BTD: variants seen among roughly 807,000 people sequenced by gnomAD.
BTD encodes biocytinase.
A neutral mutation model predicts 17.7 loss-of-function variants in BTD; 13 were observed. The ratio of observed to expected loss-of-function variants is 0.74; its 90% CI spans 0.48 to 1.17. The LOEUF (loss-of-function observed/expected upper bound fraction) is 1.17. Ranked by LOEUF, BTD falls within the 50% of genes most tolerant of loss-of-function variation. The pLI is 0.00. For synonymous variants in BTD, 240 were observed against 245.2 expected, an observed-to-expected ratio of 0.98 and a Z score of 0.20; for missense variants, 674 against 650.4, an observed-to-expected ratio of 1.04 and a Z score of -0.39.
At chr3:15,632,810 G>C (rs2065246560) in intron 1 of BTD, 1 of 152,464 alleles carries the variant, frequency 6.6e-6, no homozygotes, top group South Asian at 2.1e-4. Flanking sequence ...TCCCGCTGCT[G>C]CCTGCTGAAC....
At chr3:15,627,849 G>GCC (rs1013044928) in intron 1 of BTD, among the ~76,000 whole-genome samples, 1 of 152,144 alleles carries the variant, frequency 6.6e-6, no homozygotes, top group African/African-American at 2.4e-5. Context: ...AGCCTCCCAA[G>GCC]TAGCTGGGAT....
intron 3 of BTD, among the ~76,000 whole-genome samples, chr3:15,678,745 G>A (rs2067218579): frequency 6.6e-6 from 1 of 151,708 alleles, no homozygotes; most frequent in Admixed American, 6.6e-5. Flanking sequence ...AATAATCTTT[G>A]GGAAACAAAT....
chr3:15,699,286 A>G (rs1422506591), intron 3 of BTD, among the ~76,000 whole-genome samples: 1 of 152,112 alleles, frequency 6.6e-6, no homozygotes, highest in South Asian at 2.1e-4. Flanking sequence ...ACCATAAAAA[A>G]CCCTATTAGA....
At chr3:15,665,647 C>G (rs1422922500) in intron 3 of BTD, among the ~76,000 whole-genome samples, 1 of 152,142 alleles carries the variant, frequency 6.6e-6, no homozygotes, top group Non-Finnish European at 1.5e-5. Flanking sequence ...GAAATGGAAC[C>G]CAAACTATAC....
At chr3:15,715,689 C>T (rs2072924885), downstream of BTD, among the ~76,000 whole-genome samples, 1 of 152,140 alleles carries the variant, frequency 6.6e-6, no homozygotes, top group African/African-American at 2.4e-5. Context: ...GGACAAGTTG[C>T]CTAACTTCTT....
intron 3 of BTD, among the ~76,000 whole-genome samples, chr3:15,678,907 A>G (rs2067234758): frequency 1.3e-5 from 2 of 152,246 alleles, no homozygotes; most frequent in South Asian, 4.1e-4. Flanking sequence ...ACTTTTAATA[A>G]TGGGTTTTCT....
chr3:15,701,339 A>T (rs2070574213), intron 3 of BTD, among the ~76,000 whole-genome samples: 1 of 152,154 alleles, frequency 6.6e-6, no homozygotes, highest in South Asian at 2.1e-4. Flanking sequence ...TTTGGAGTCA[A>T]GCATAATAAA....
At chr3:15,624,739 T>C (rs1240752056) in intron 1 of BTD, among the ~76,000 whole-genome samples, 1 of 152,196 alleles carries the variant, frequency 6.6e-6, no homozygotes, top group Non-Finnish European at 1.5e-5. Context: ...GGGAGGTTTT[T>C]TGAGACAAAG....
downstream of BTD, among the ~76,000 whole-genome samples, chr3:15,657,499 C>T (rs1242637531): frequency 1.9e-5 from 2 of 107,956 alleles, no homozygotes; most frequent in African/African-American, 5.6e-5. Flanking sequence ...CCCCCCAGAG[C>T]TGTATGTGAG....
chr3:15,697,600 C>A (rs1331832218), intron 3 of BTD, among the ~76,000 whole-genome samples: 1 of 151,814 alleles, frequency 6.6e-6, no homozygotes, highest in Non-Finnish European at 1.5e-5. Context: ...AGGGATGAAG[C>A]CGAGTTGATT....
rs1376626622 is a variant in BTD at position 15,601,913 on chromosome 3, G to C, written c.-17+19G>C. 6.2e-7 allele frequency: 1 copy of C among 1,613,150 alleles called. No individual in the cohort carries two copies. On this transcript the variant is annotated intron_variant, in intron 1 of 3. Transcript: ENST00000643237. ...AGAGCAGGTACGGAGGGGGCGTGGT[G>C]CGGCGCGGAGGGGGTGTGGTAAGGG...
At chr3:15,717,386 T>C (rs2126128562), downstream of BTD, among the ~76,000 whole-genome samples, 1 of 152,234 alleles carries the variant, frequency 6.6e-6, no homozygotes, top group Non-Finnish European at 1.5e-5. Flanking sequence ...GAGATTCAGA[T>C]TACTAACTAA....
Position 15,650,299 on chromosome 3 carries a change from A to G in BTD, c.*4811A>G, listed in dbSNP as rs1319241541. ...TGTTCAGTACTGAAGTAAAACAAAA[A>G]TCTGAATAACAGCTGCACCGTTAAA... On this transcript the variant is annotated 3_prime_UTR_variant, in exon 4 of 4. Coordinates refer to ENST00000643237, the MANE Select transcript of BTD (RefSeq NM_001370658.1). Among the ~76,000 whole-genome samples, 1 of 152,272 alleles carries G rather than the reference A, an allele frequency of 6.6e-6. No homozygotes were observed. The highest frequency in any genetic ancestry group is 1.5e-5 in the Non-Finnish European group (1 of 68,050).
chr3:15,645,460 T>C lies in BTD; in HGVS notation c.1544T>C (p.Leu515Pro), dbSNP rs779694825. Residue 515 changes from leucine (L) to proline (P), a missense_variant, in exon 4 of 4, where the codon CTC (leucine) becomes CCC (proline). Physicochemically the swap from Leu to Pro is moderately conservative, Grantham distance 98. Coordinates refer to ENST00000643237, the MANE Select transcript of BTD (RefSeq NM_001370658.1). ...RLSSGLVTAA[L>P]YGRLYERD ...TCCTCTGGGCTGGTGACGGCGGCTC[T>C]CTATGGGCGCTTGTATGAGAGGGAC... The C allele has an allele frequency of 6.2e-7, 1 of 1,610,584 alleles. No homozygotes were observed. Among genetic ancestry groups the C allele is most frequent in the Non-Finnish European group, 8.5e-7 (1 of 1,180,016 alleles).
chr3:15,708,810 G>T (rs2071825430), intron 3 of BTD, among the ~76,000 whole-genome samples: 1 of 152,068 alleles, frequency 6.6e-6, no homozygotes, highest in South Asian at 2.1e-4. Flanking sequence ...TTCCTACCAT[G>T]CATAATTCTT....
At chr3:15,656,248 C>T (rs577767327), downstream of BTD, among the ~76,000 whole-genome samples, 2 of 152,290 alleles carry the variant, frequency 1.3e-5, no homozygotes, top group East Asian at 3.8e-4. Context: ...AAATAGCCTA[C>T]CCCCTTCCCA....
chr3:15,693,225 G>T (rs925402376), intron 3 of BTD, among the ~76,000 whole-genome samples: 2 of 152,080 alleles, frequency 1.3e-5, no homozygotes, highest in Non-Finnish European at 2.9e-5. Flanking sequence ...TGTACAATTA[G>T]AAATGGTTAA....
chr3:15,676,657 AG>A (rs2066969832), intron 3 of BTD: 2 of 213,690 alleles, frequency 9.4e-6, no homozygotes, highest in Non-Finnish European at 1.9e-5. Flanking sequence ...GTTAGTTTCA[AG>A]TAACATATTA....
intron 1 of BTD, among the ~76,000 whole-genome samples, chr3:15,623,508 T>C (rs2455917): frequency 6.6e-6 from 1 of 152,258 alleles, no homozygotes; most frequent in Non-Finnish European, 1.5e-5. Context: ...TTCTGAGTTT[T>C]GGTGTTTTAA....
Sources: allele counts gnomAD v4.1 joint callset (sites outside exome capture counted in the v4.1 genomes callset), GRCh38; gene constraint gnomAD v4.1.1; transcripts MANE v1.5; gene names NCBI Gene and HGNC (gene_info 2026-07-23, HGNC 2026-07-21).